The following PTPN4 variants were observed in gnomAD, a reference collection of about 807,000 sequenced individuals.
PTPN4 encodes tyrosine-protein phosphatase non-receptor type 4.
In PTPN4, 49 loss-of-function variants were observed where a neutral mutation model predicts 135.5. The observed-to-expected ratio is 0.36, with a 90% CI of 0.29 to 0.46. The LOEUF (loss-of-function observed/expected upper bound fraction) is 0.46, where lower values mean the gene tolerates loss of function less well. Ranked by LOEUF, PTPN4 falls within the 20% of genes least tolerant of loss-of-function variation. The pLI, the probability that PTPN4 is intolerant of heterozygous loss-of-function variation, is 1.00. For missense variants in PTPN4, 860 were observed against 1,101.0 expected, an observed-to-expected ratio of 0.78 and a Z score of 3.10; for synonymous variants, 333 against 369.9, an observed-to-expected ratio of 0.90 and a Z score of 1.14.
intron 15 of PTPN4, 91 bp downstream of exon 15, chr2:119,935,049 C>A: frequency 7.3e-7 from 1 of 1,379,302 alleles, no homozygotes; most frequent in Non-Finnish European, 9.9e-7. Context: ...ATATTCGATA[C>A]AAGATTTTAA....
At chr2:119,793,390 G>A (rs547597224) in intron 1 of PTPN4, among the ~76,000 whole-genome samples, 9 of 152,184 alleles carry the variant, frequency 5.9e-5, no homozygotes, top group South Asian at 4.1e-4. Context: ...CCTGAACATC[G>A]CTGTTATCCT....
chr2:119,877,895 T>G (rs1028991199), intron 5 of PTPN4, among the ~76,000 whole-genome samples: 3 of 72,182 alleles, frequency 4.2e-5, no homozygotes, highest in African/African-American at 2.2e-4. Context: ...AAATTTGGGT[T>G]TTTTTTTTCC....
chr2:119,862,709 T>C, intron 3 of PTPN4, 66 bp downstream of exon 3: 1 of 1,343,746 alleles, frequency 7.4e-7, no homozygotes, highest in African/African-American at 1.5e-5. Flanking sequence ...TAGAAAGTCC[T>C]TTCTGATTTA....
chr2:119,821,144 G>A (rs568017291), intron 2 of PTPN4, among the ~76,000 whole-genome samples: 3 of 148,110 alleles, frequency 2.0e-5, no homozygotes, highest in African/African-American at 7.5e-5. Flanking sequence ...CACCAGGCTG[G>A]AGCAGTGGCG....
At chr2:119,859,666 A>G (rs1241800264) in intron 2 of PTPN4, among the ~76,000 whole-genome samples, 1 of 152,186 alleles carries the variant, frequency 6.6e-6, no homozygotes, top group East Asian at 1.9e-4. Flanking sequence ...CCTGCTACCA[A>G]TAAGCCTAAG....
At chr2:119,881,851 A>G (rs200281685) in intron 6 of PTPN4, 21 bp downstream of exon 6, 375 of 1,510,552 alleles carry the variant, frequency 2.5e-4, no homozygotes, top group Non-Finnish European at 5.6e-5. Flanking sequence ...TAAATTTCTT[A>G]AAAAATTTTT....
At chr2:119,768,888 C>G (rs1385277241) in intron 1 of PTPN4, among the ~76,000 whole-genome samples, 1 of 152,176 alleles carries the variant, frequency 6.6e-6, no homozygotes, top group Non-Finnish European at 1.5e-5. Context: ...TCAAAAAGGT[C>G]TGTGTCTTTA....
intron 1 of PTPN4, among the ~76,000 whole-genome samples, chr2:119,778,492 T>C (rs1451810273): frequency 1.3e-5 from 2 of 152,222 alleles, no homozygotes; most frequent in Non-Finnish European, 1.5e-5. Flanking sequence ...TAGGAGCTAT[T>C]CACATACTTA....
chr2:119,953,365 T>C (rs1315111393), intron 19 of PTPN4, among the ~76,000 whole-genome samples: 1 of 152,162 alleles, frequency 6.6e-6, no homozygotes, highest in Non-Finnish European at 1.5e-5. Context: ...AAACAAAAAA[T>C]AAAAAATCCT....
intron 15 of PTPN4, among the ~76,000 whole-genome samples, chr2:119,937,145 G>A (rs192862477): frequency 6.6e-6 from 1 of 152,142 alleles, no homozygotes; most frequent in Non-Finnish European, 1.5e-5. Flanking sequence ...ATGAGAATCA[G>A]CCAGGAGAAC....
intron 1 of PTPN4, among the ~76,000 whole-genome samples, chr2:119,805,937 T>G (rs1388275020): frequency 6.6e-6 from 1 of 152,188 alleles, no homozygotes; most frequent in Non-Finnish European, 1.5e-5. Context: ...TCCATTTGTT[T>G]GTGTCCTCTT....
intron 1 of PTPN4, among the ~76,000 whole-genome samples, chr2:119,781,902 T>G (rs1338202014): frequency 6.6e-6 from 1 of 152,244 alleles, no homozygotes; most frequent in African/African-American, 2.4e-5. Context: ...TTTAATACTA[T>G]TATATTTAAC....
At chr2:119,905,813 T>C (rs1678479409) in intron 10 of PTPN4, among the ~76,000 whole-genome samples, 1 of 152,112 alleles carries the variant, frequency 6.6e-6, no homozygotes, top group Admixed American at 6.5e-5. Context: ...CAAGGAACTT[T>C]GGAAACTGTA....
chr2:119,933,160 C>T (rs902531505), intron 14 of PTPN4, among the ~76,000 whole-genome samples: 2 of 151,992 alleles, frequency 1.3e-5, no homozygotes, highest in African/African-American at 4.8e-5. Context: ...ATAAACTAGC[C>T]AAATGTACCA....
At chr2:119,966,802 T>G (rs1372723440) in intron 25 of PTPN4, among the ~76,000 whole-genome samples, 1 of 152,216 alleles carries the variant, frequency 6.6e-6, no homozygotes, top group African/African-American at 2.4e-5. Context: ...CTTTCTTTCT[T>G]TGAGACCCAA....
chr2:119,849,740 C>T (rs982646504), intron 2 of PTPN4, among the ~76,000 whole-genome samples: 37 of 152,176 alleles, frequency 2.4e-4, no homozygotes, highest in South Asian at 6.2e-4. Flanking sequence ...TCTCACAGTG[C>T]GCACAGCATT....
At chr2:119,809,732 T>C in intron 1 of PTPN4, 105 bp from the exon 2 acceptor site, 2 of 996,436 alleles carry the variant, frequency 2.0e-6, no homozygotes, top group South Asian at 4.2e-5. Flanking sequence ...ATAACTGTTT[T>C]CCACCTAAGT....
chr2:119,926,520 T>G (rs902466087), intron 12 of PTPN4, 78 bp from the exon 13 acceptor site: 10 of 980,520 alleles, frequency 1.0e-5, no homozygotes, highest in Non-Finnish European at 1.5e-5. Context: ...GAAGTTACAC[T>G]ATAATCATGT....
chr2:119,782,154 C>T (rs945763380), intron 1 of PTPN4, among the ~76,000 whole-genome samples: 4 of 152,102 alleles, frequency 2.6e-5, no homozygotes, highest in South Asian at 2.1e-4. Flanking sequence ...CGGTGGCTCA[C>T]GCCTGTAATC....
Sources: gnomAD v4.1 joint callset for allele counts (sites outside exome capture counted in the v4.1 genomes callset) on GRCh38, gnomAD v4.1.1 for gene constraint, MANE v1.5 for transcripts, NCBI Gene and HGNC (gene_info 2026-07-23, HGNC 2026-07-21) for gene names.